Variants in PPARGC1B observed in about 807,000 individuals in gnomAD.
PPARGC1B encodes the protein PPARG coactivator 1 beta, also known as peroxisome proliferator-activated receptor gamma coactivator 1-beta.
Under a neutral mutation model 101.6 loss-of-function variants are expected in PPARGC1B, and 34 were observed. The ratio of observed to expected loss-of-function variants is 0.33; its 90% CI spans 0.25 to 0.45. PPARGC1B has a LOEUF of 0.45. Among genes scored for constraint, PPARGC1B ranks in the 20% least tolerant of loss-of-function variants. PPARGC1B has a pLI of 1.00. For synonymous variants in PPARGC1B, 548 were observed against 539.3 expected, an observed-to-expected ratio of 1.02 and a Z score of -0.22; for missense variants, 1,234 against 1,317.6, an observed-to-expected ratio of 0.94 and a Z score of 0.98.
At chr5:149,808,127 A>G (rs1469126061) in intron 1 of PPARGC1B, among the ~76,000 whole-genome samples, 1 of 152,198 alleles carries the variant, frequency 6.6e-6, no homozygotes, top group Non-Finnish European at 1.5e-5. Context: ...AAAAATTGGC[A>G]CCACTGACCT....
rs1424815717 is a variant in PPARGC1B at position 149,749,177 on chromosome 5, A to G, written c.78+18757A>G. On this transcript the variant is annotated intron_variant, in intron 1 of 11. Transcript: ENST00000309241. ...CTAGGTACAGCCCTCAATAAATTTA[A>G]TGATGCAGATGATACTTAGTGCCAT... is the stretch of plus-strand genomic sequence containing the variant. Among the ~76,000 whole-genome samples, 5 of 152,188 alleles carry G rather than the reference A, an allele frequency of 3.3e-5. No homozygotes were observed. The South Asian group carries it at 8.3e-4, about 25-fold the overall frequency.
chr5:149,762,475 G>A (rs1051976271), intron 1 of PPARGC1B, among the ~76,000 whole-genome samples: 1 of 152,130 alleles, frequency 6.6e-6, no homozygotes, highest in African/African-American at 2.4e-5. Flanking sequence ...TCTGCCTGCA[G>A]AGCCCTCAGG....
chr5:149,745,413 G>C (rs935770752), intron 1 of PPARGC1B, among the ~76,000 whole-genome samples: 4 of 152,162 alleles, frequency 2.6e-5, no homozygotes, highest in African/African-American at 4.8e-5. Flanking sequence ...GACCTATAGA[G>C]TGAGAATCTT....
At position 149,730,488 on chromosome 5, in the gene PPARGC1B, G is replaced by A; in HGVS notation, c.78+68G>A. The A allele has an allele frequency of 1.5e-6, 2 of 1,321,314 alleles. No individual in the cohort carries two copies. The highest frequency in any genetic ancestry group is 3.0e-5 in the East Asian group (1 of 32,896). 81.8% of individuals were successfully genotyped at this position (1,321,314 alleles called of 1,614,324 possible). A position where few individuals can be genotyped will look rare whatever the true frequency, so the allele number is the denominator to read the frequency against. ...AGCTGCGGGGGCCGCAGCTGCAGCC[G>A]CGGAGGCCGGGAGGCAGCGGTGGGA... On this transcript the variant is annotated intron_variant, in intron 1 of 11. Transcript: ENST00000309241. The surrounding 1 kb of genome is among the most constrained non-coding windows in gnomAD (Gnocchi z 4.0).
At position 149,853,466 on chromosome 5, in the gene PPARGC1B, GGGAA is replaced by G. The variant is rs1042539060; in HGVS notation, c.*5911_*5914del. The G allele has an allele frequency of 8.5e-5, 13 of 152,286 alleles. No homozygotes were observed. Among genetic ancestry groups the G allele is most frequent in the African/African-American group, 3.1e-4 (13 of 41,562 alleles). 9.4% of individuals were successfully genotyped at this position (152,286 alleles called of 1,614,324 possible). ...TGGACCAGGAGAGGTCCAGGTGCCC[GGGAA>G]GGGTTTACTGTAACTGCAATACTGG... On this transcript the variant is annotated 3_prime_UTR_variant, in exon 12 of 12. Coordinates refer to ENST00000309241, the MANE Select transcript of PPARGC1B (RefSeq NM_133263.4). The surrounding 1 kb of genome is among the most constrained non-coding windows in gnomAD (Gnocchi z 4.2).
chr5:149,762,433 C>T (rs1755750763), intron 1 of PPARGC1B, among the ~76,000 whole-genome samples: 2 of 152,166 alleles, frequency 1.3e-5, no homozygotes, highest in Non-Finnish European at 2.9e-5. Context: ...CAGGCATGAA[C>T]CACTGTGCCA....
chr5:149,820,633 C>T (rs1758255552), intron 2 of PPARGC1B, 27 bp downstream of exon 2: 1 of 1,588,428 alleles, frequency 6.3e-7, no homozygotes, highest in Non-Finnish European at 8.6e-7. Flanking sequence ...CTCCCCTCCT[C>T]CCACCCTGCC....
At chr5:149,828,191 A>ATGG (rs1248276399) in intron 3 of PPARGC1B, among the ~76,000 whole-genome samples, 1 of 152,184 alleles carries the variant, frequency 6.6e-6, no homozygotes, top group East Asian at 1.9e-4. Context: ...TCCCCAAAGC[A>ATGG]GCGTGAAGCA....
chr5:149,780,857 G>A (rs1756570238), intron 1 of PPARGC1B, among the ~76,000 whole-genome samples: 1 of 152,226 alleles, frequency 6.6e-6, no homozygotes, highest in South Asian at 2.1e-4. Flanking sequence ...GCACGGGAGA[G>A]GCGTGGCACT....
intron 1 of PPARGC1B, among the ~76,000 whole-genome samples, chr5:149,757,457 G>C (rs1488136284): frequency 6.6e-6 from 1 of 152,130 alleles, no homozygotes; most frequent in Non-Finnish European, 1.5e-5. Flanking sequence ...GTGCATTTGA[G>C]GCCATCGCTT....
At chr5:149,819,494 G>GTT (rs200679684) in intron 1 of PPARGC1B, among the ~76,000 whole-genome samples, 3 of 147,068 alleles carry the variant, frequency 2.0e-5, no homozygotes, top group East Asian at 2.0e-4. Context: ...GTTTGTTTTT[G>GTT]TTTTTTTTTG....
At chr5:149,784,562 T>C (rs1756719585) in intron 1 of PPARGC1B, among the ~76,000 whole-genome samples, 1 of 37,392 alleles carries the variant, frequency 2.7e-5, no homozygotes, top group Non-Finnish European at 4.8e-5. Flanking sequence ...CTGAGTTTCT[T>C]TTTTTTTTTT....
rs141767210 is a variant in PPARGC1B, at chr5:149,780,859, C to T, written c.79-39574C>T. 6.0e-4 allele frequency among the ~76,000 whole-genome samples: 91 copies of T among 152,266 alleles called. 1 individual carries two copies. The highest frequency in any genetic ancestry group is 1.3e-3 in the Admixed American group (20 of 15,288). On this transcript the variant is annotated intron_variant, in intron 1 of 11. Transcript: ENST00000309241. The stretch of plus-strand genomic sequence containing the variant: ...CCTGCAAACATTGGCACGGGAGAGG[C>T]GTGGCACTGGTAAGTGGAGGTCAGA...
In PPARGC1B at chr5:149,847,807, C is replaced by T. The variant is rs1311393676; in HGVS notation, c.*249C>T. 2.2e-5 allele frequency: 11 copies of T among 496,082 alleles called. No individual in the cohort carries two copies. The highest frequency in any genetic ancestry group is 7.0e-5 in the Admixed American group (2 of 28,738). The allele number at this position is 496,082 out of a possible 1,614,324, so 30.7% of individuals were successfully genotyped here. A position where few individuals can be genotyped will look rare whatever the true frequency, so the allele number is the denominator to read the frequency against. On this transcript the variant is annotated 3_prime_UTR_variant, in exon 12 of 12. Transcript: ENST00000309241. Reference sequence around the variant, plus strand: ...GCCACATTAGTGTCCTCGCTTCCAACGGGTTGTCCCGGGTGCACCTCGAAG... The same window carrying T: ...GCCACATTAGTGTCCTCGCTTCCAATGGGTTGTCCCGGGTGCACCTCGAAG...
chr5:149,844,828 G>T (rs1759491273), intron 10 of PPARGC1B, among the ~76,000 whole-genome samples: 1 of 152,110 alleles, frequency 6.6e-6, no homozygotes, highest in South Asian at 2.1e-4. Flanking sequence ...ATGTCAGTCG[G>T]GACTCTTTCT....
At chr5:149,844,980 C>T (rs575588004) in intron 10 of PPARGC1B, among the ~76,000 whole-genome samples, 60 of 152,316 alleles carry the variant, frequency 3.9e-4, no homozygotes, top group South Asian at 1.9e-3. Context: ...GTAGGAGTCA[C>T]TACATGACTC....
chr5:149,739,244 A>C (rs1437461875), intron 1 of PPARGC1B, among the ~76,000 whole-genome samples: 1 of 152,188 alleles, frequency 6.6e-6, no homozygotes, highest in Non-Finnish European at 1.5e-5. Flanking sequence ...TTCCATCTCC[A>C]TGTACAAGAC....
At chr5:149,736,749 A>AT (rs934542682) in intron 1 of PPARGC1B, among the ~76,000 whole-genome samples, 2 of 151,136 alleles carry the variant, frequency 1.3e-5, no homozygotes, top group African/African-American at 2.4e-5. Flanking sequence ...TCCTCAGTAC[A>AT]TTTTTTTTTC....
In PPARGC1B at chr5:149,822,891, C is replaced by G. The variant is rs1355436389; in HGVS notation, c.252+2285C>G. On this transcript the variant is annotated intron_variant, in intron 2 of 11. Coordinates refer to ENST00000309241, the MANE Select transcript of PPARGC1B (RefSeq NM_133263.4). Reference sequence around the variant, plus strand: ...ATAGGTTCTAGTCCCCCTTCTGGCACTAACTTGGACAGTTTCTTCATGGGA... The same window carrying G: ...ATAGGTTCTAGTCCCCCTTCTGGCAGTAACTTGGACAGTTTCTTCATGGGA... Among the ~76,000 whole-genome samples, 3 of 152,100 alleles carry G rather than the reference C, an allele frequency of 2.0e-5. No homozygotes were observed. In the East Asian group the frequency reaches 5.8e-4, roughly 29 times the overall value.
Sources: gnomAD v4.1 joint callset for allele counts (sites outside exome capture counted in the v4.1 genomes callset) on GRCh38, gnomAD v4.1.1 for gene constraint, Gnocchi (gnomAD v3.1) non-coding constraint, MANE v1.5 for transcripts, NCBI Gene and HGNC (gene_info 2026-07-23, HGNC 2026-07-21) for gene names.